Variants in SDCCAG8 observed in about 807,000 individuals in gnomAD.
SDCCAG8 encodes the protein SHH signaling and ciliogenesis regulator SDCCAG8, also known as serologically defined colon cancer antigen 8.
Under a neutral mutation model 101.8 loss-of-function variants are expected in SDCCAG8, and 74 were observed. That is an observed-to-expected ratio of 0.73 (90% confidence interval 0.60 to 0.88). SDCCAG8 has a LOEUF of 0.88. Ranked by LOEUF, SDCCAG8 falls within the 40% of genes least tolerant of loss-of-function variation. The pLI is 0.00. For synonymous variants in SDCCAG8, 281 were observed against 292.9 expected (o/e 0.96, Z 0.41); for missense variants, 787 against 822.6 (o/e 0.96, Z 0.53).
At chr1:243,293,574 T>C (rs903633078) in intron 6 of SDCCAG8, 12 of 430,460 alleles carry the variant, frequency 2.8e-5, no homozygotes, top group Non-Finnish European at 4.1e-5. Context: ...CTGGCTTATT[T>C]CCCTTAGCAT....
At chr1:243,445,795 G>A (rs888333059) in intron 16 of SDCCAG8, among the ~76,000 whole-genome samples, 1 of 152,162 alleles carries the variant, frequency 6.6e-6, no homozygotes, top group African/African-American at 2.4e-5. Flanking sequence ...TTTATTTCAG[G>A]CACACCTAAT....
chr1:243,274,937 C>G (rs1252556103), intron 4 of SDCCAG8, among the ~76,000 whole-genome samples: 1 of 152,274 alleles, frequency 6.6e-6, no homozygotes, highest in East Asian at 1.9e-4. Context: ...CCTTCTCACC[C>G]CGCTTGCTGT....
chr1:243,409,658 A>G (rs2080031210), intron 13 of SDCCAG8, among the ~76,000 whole-genome samples: 1 of 152,182 alleles, frequency 6.6e-6, no homozygotes, highest in Non-Finnish European at 1.5e-5. Flanking sequence ...GAGACATGTC[A>G]CGTAGGAACC....
intron 6 of SDCCAG8, among the ~76,000 whole-genome samples, chr1:243,295,620 A>G (rs2490395): frequency 0.49 from 74,105 of 151,898 alleles, 18,849 homozygotes; most frequent in East Asian, 0.74. Flanking sequence ...TTTATAATCC[A>G]CTTTCATTTC....
intron 12 of SDCCAG8, among the ~76,000 whole-genome samples, chr1:243,366,699 G>A (rs1441906639): frequency 6.6e-6 from 1 of 151,974 alleles, no homozygotes. Flanking sequence ...TACCTTAGAT[G>A]TGTCATTGGA....
chr1:243,367,073 TG>T (rs1045217359), intron 12 of SDCCAG8, among the ~76,000 whole-genome samples: 1 of 152,058 alleles, frequency 6.6e-6, no homozygotes, highest in Non-Finnish European at 1.5e-5. Context: ...TTTTCTCAGT[TG>T]GCAAAAAAAA....
chr1:243,490,162 A>G (rs1666043241), intron 17 of SDCCAG8, among the ~76,000 whole-genome samples: 1 of 152,210 alleles, frequency 6.6e-6, no homozygotes, highest in African/African-American at 2.4e-5. Flanking sequence ...TGCTCAAGGA[A>G]CCTGTAAGTA....
chr1:243,448,108 C>T (rs963071533), intron 16 of SDCCAG8, among the ~76,000 whole-genome samples: 2 of 152,180 alleles, frequency 1.3e-5, no homozygotes, highest in Non-Finnish European at 2.9e-5. Flanking sequence ...GCTGTAGCTG[C>T]TGCAGGCACC....
chr1:243,352,974 A>G (rs1054443838), intron 12 of SDCCAG8, among the ~76,000 whole-genome samples: 10 of 152,170 alleles, frequency 6.6e-5, no homozygotes, highest in African/African-American at 2.2e-4. Context: ...AGCCACTATG[A>G]CAGATTTAGA....
chr1:243,369,113 G>A (rs753041814), intron 12 of SDCCAG8, among the ~76,000 whole-genome samples: 5 of 151,984 alleles, frequency 3.3e-5, no homozygotes, highest in Admixed American at 6.6e-5. Flanking sequence ...TTGATTTTAT[G>A]TGCATTTAGA....
intron 4 of SDCCAG8, among the ~76,000 whole-genome samples, chr1:243,276,552 A>C (rs1375694256): frequency 6.6e-6 from 1 of 152,196 alleles, no homozygotes; most frequent in Non-Finnish European, 1.5e-5. Context: ...TCCTCCTTTC[A>C]GTGACATCCC....
At chr1:243,375,589 T>G (rs926454428) in intron 12 of SDCCAG8, among the ~76,000 whole-genome samples, 1 of 152,184 alleles carries the variant, frequency 6.6e-6, no homozygotes, top group African/African-American at 2.4e-5. Context: ...GAAAGATACC[T>G]TTTGATAAGG....
intron 12 of SDCCAG8, among the ~76,000 whole-genome samples, chr1:243,344,659 T>A (rs973488139): frequency 6.6e-6 from 1 of 152,204 alleles, no homozygotes; most frequent in South Asian, 2.1e-4. Flanking sequence ...ATAAAGTTCT[T>A]GAAAGATGCC....
At chr1:243,360,855 A>G (rs1480767311) in intron 12 of SDCCAG8, among the ~76,000 whole-genome samples, 2 of 151,986 alleles carry the variant, frequency 1.3e-5, no homozygotes, top group Non-Finnish European at 2.9e-5. Context: ...AAAACAAACA[A>G]AAAACAACCT....
intron 17 of SDCCAG8, 38 bp from the exon 18 acceptor site, chr1:243,499,718 A>G: frequency 1.3e-6 from 2 of 1,501,570 alleles, no homozygotes; most frequent in Non-Finnish European, 1.9e-6. Flanking sequence ...ATTGAAGAAC[A>G]TGAGCTATTG....
intron 16 of SDCCAG8, among the ~76,000 whole-genome samples, chr1:243,428,491 C>T (rs774345994): frequency 6.6e-6 from 1 of 152,142 alleles, no homozygotes; most frequent in Non-Finnish European, 1.5e-5. Context: ...TACACAGATT[C>T]TTCTCAATAA....
intron 16 of SDCCAG8, among the ~76,000 whole-genome samples, chr1:243,455,352 C>T (rs1451603025): frequency 6.6e-6 from 1 of 152,190 alleles, no homozygotes; most frequent in East Asian, 1.9e-4. Context: ...TCACTGCAAC[C>T]TCCATCTCCT....
intron 5 of SDCCAG8, among the ~76,000 whole-genome samples, chr1:243,289,247 A>G (rs1348348914): frequency 6.6e-6 from 1 of 152,174 alleles, no homozygotes; most frequent in Non-Finnish European, 1.5e-5. Flanking sequence ...GGAAGCATCT[A>G]GCACAGGAGA....
chr1:243,399,568 G>A (rs562211558), intron 13 of SDCCAG8, among the ~76,000 whole-genome samples: 9 of 151,892 alleles, frequency 5.9e-5, no homozygotes, highest in South Asian at 2.1e-4. Flanking sequence ...GTGCAGTGGC[G>A]TGATCTCAGC....
Sources: allele counts gnomAD v4.1 joint callset (sites outside exome capture counted in the v4.1 genomes callset), GRCh38; gene constraint gnomAD v4.1.1; transcripts MANE v1.5; gene names NCBI Gene and HGNC (gene_info 2026-07-23, HGNC 2026-07-21).